Variants in PCDHGA4 observed in about 807,000 individuals in gnomAD.
The protein encoded by PCDHGA4 is protocadherin gamma-A4.
A neutral mutation model predicts 54.6 loss-of-function variants in PCDHGA4; 38 were observed. That is an observed-to-expected ratio of 0.70 (90% CI 0.54 to 0.91). The LOEUF (loss-of-function observed/expected upper bound fraction) is 0.91. Ranked by LOEUF, PCDHGA4 falls within the 40% of genes least tolerant of loss-of-function variation. PCDHGA4 has a pLI of 0.00. For synonymous variants in PCDHGA4, 511 were observed against 512.9 expected, an observed-to-expected ratio of 1.00 and a Z score of 0.05; for missense variants, 1,298 against 1,220.9, an observed-to-expected ratio of 1.06 and a Z score of -0.94.
At chr5:141,416,929 C>T (rs1184470714) in intron 1 of PCDHGA4, 1 of 151,960 alleles carries the variant, frequency 6.6e-6, no homozygotes. Flanking sequence ...TAGTTATTAA[C>T]TATTAAACCA....
At chr5:141,382,895 C>A (rs1554087243) in intron 1 of PCDHGA4, 1 of 1,536,202 alleles carries the variant, frequency 6.5e-7, no homozygotes, top group South Asian at 1.3e-5. Flanking sequence ...AGAAGCAGGA[C>A]GACTATGGCG....
intron 1 of PCDHGA4, chr5:141,390,260 C>T (rs1206984031): frequency 6.2e-7 from 1 of 1,614,002 alleles, no homozygotes; most frequent in Non-Finnish European, 8.5e-7. Context: ...TTTGTAATTC[C>T]AGTGAATTGA....
In PCDHGA4 at chr5:141,490,858, G is replaced by C. The variant is rs775132338; in HGVS notation, c.2515-3949G>C. On this transcript the variant is annotated intron_variant, in intron 1 of 3. Coordinates refer to ENST00000571252, the MANE Select transcript of PCDHGA4 (RefSeq NM_018917.4). The surrounding 1 kb of genome is among the most constrained non-coding windows in gnomAD (Gnocchi z 5.4). ...GATTGTGGTGGGGGTTCGAGACTCC[G>C]GCTCTCCCCCATTGCATGCCAACAC... The C allele has an allele frequency of 1.5e-5, 24 of 1,613,704 alleles. 1 individual carries two copies. Among genetic ancestry groups the C allele is most frequent in the Non-Finnish European group, 2.0e-5 (24 of 1,179,918 alleles).
At chr5:141,397,279 G>A (rs1208403541) in intron 1 of PCDHGA4, among the ~76,000 whole-genome samples, 1 of 152,168 alleles carries the variant, frequency 6.6e-6, no homozygotes, top group East Asian at 1.9e-4. Context: ...CATATGGGCA[G>A]TATACTTGAA....
chr5:141,502,866 CTTTT>C (rs549047197), intron 2 of PCDHGA4, among the ~76,000 whole-genome samples: 1 of 128,042 alleles, frequency 7.8e-6, no homozygotes. Context: ...GACTCTCTGT[CTTTT>C]TTTTTTTTTT....
intron 1 of PCDHGA4, chr5:141,378,129 A>G (rs974715464): frequency 1.3e-5 from 2 of 152,224 alleles, no homozygotes; most frequent in African/African-American, 4.8e-5. Context: ...GTATTTGTTG[A>G]CATCACCATT....
chr5:141,408,914 A>G lies in PCDHGA4; in HGVS notation c.2514+51293A>G, dbSNP rs776105035. ...AATTTCTGTCAAGGATACCAATGAT[A>G]ACCCCCCGGTTTTCAGCAGAGACGA... On this transcript the variant is annotated intron_variant, in intron 1 of 3. Coordinates refer to ENST00000571252, the MANE Select transcript of PCDHGA4 (RefSeq NM_018917.4). The G allele has an allele frequency of 1.2e-5, 20 of 1,613,446 alleles. No homozygotes were observed. The South Asian group carries it at 2.1e-4, about 17-fold the overall frequency.
In PCDHGA4 at chr5:141,485,101, T is replaced by C; in HGVS notation, c.2515-9706T>C. On this transcript the variant is annotated intron_variant, in intron 1 of 3. Coordinates refer to ENST00000571252, the MANE Select transcript of PCDHGA4 (RefSeq NM_018917.4). The surrounding 1 kb of genome is among the most constrained non-coding windows in gnomAD (Gnocchi z 5.7). ...GGAAAGGGAGATAGGTGTCTCCAGC[T>C]GCTGTGGCTGTTTGGGGCGGGTCGG... 1 of 1,158,208 alleles carries C rather than the reference T, an allele frequency of 8.6e-7. No homozygotes were observed. Among genetic ancestry groups the C allele is most frequent in the South Asian group, 1.4e-5 (1 of 72,622 alleles). The allele number at this position is 1,158,208 out of a possible 1,614,324, so 71.7% of individuals were successfully genotyped here.
intron 1 of PCDHGA4, among the ~76,000 whole-genome samples, chr5:141,359,329 C>G (rs1425381791): frequency 6.6e-6 from 1 of 151,874 alleles, no homozygotes; most frequent in African/African-American, 2.4e-5. Flanking sequence ...GGAATATATT[C>G]CAGAATGAGA....
rs999463482 is a variant in PCDHGA4, at chr5:141,506,400, T to C, written c.2662+919T>C. ...GGAGGTGGCTGTGGTGAGCAGAAAATCGCACCACTGCACTCCAGCCTGGGC... is the reference window on the plus strand; with the variant it reads ...GGAGGTGGCTGTGGTGAGCAGAAAACCGCACCACTGCACTCCAGCCTGGGC... On this transcript the variant is annotated intron_variant, in intron 3 of 3. Coordinates refer to ENST00000571252, the MANE Select transcript of PCDHGA4 (RefSeq NM_018917.4). 1.2e-4 allele frequency among the ~76,000 whole-genome samples: 16 copies of C among 135,754 alleles called. No homozygotes were observed. In the Admixed American group the frequency reaches 1.3e-3, roughly 11 times the overall value. The allele number at this position is 135,754 out of a possible 152,430, so 89.1% of individuals were successfully genotyped here.
chr5:141,400,164 C>G (rs1307583379), intron 1 of PCDHGA4: 1 of 1,614,086 alleles, frequency 6.2e-7, no homozygotes, highest in Admixed American at 1.7e-5. Context: ...TACCCTCTGA[C>G]CCCCAGGCTG....
chr5:141,383,364 C>G lies in PCDHGA4; in HGVS notation c.2514+25743C>G, dbSNP rs1345393790. Reference sequence around the variant, plus strand: ...CTCCTGGGGTTCGGTTTCCGTTAAGCGAGGCTGGGGATCCAGATGTGGGCA... The same window carrying G: ...CTCCTGGGGTTCGGTTTCCGTTAAGGGAGGCTGGGGATCCAGATGTGGGCA... On this transcript the variant is annotated intron_variant, in intron 1 of 3. Transcript: ENST00000571252. The G allele has an allele frequency of 2.5e-6, 4 of 1,613,946 alleles. No homozygotes were observed. The South Asian group carries it at 4.4e-5, about 18-fold the overall frequency.
At chr5:141,504,959 T>C (rs1297800554) in intron 2 of PCDHGA4, among the ~76,000 whole-genome samples, 2 of 152,038 alleles carry the variant, frequency 1.3e-5, no homozygotes, top group Non-Finnish European at 2.9e-5. Flanking sequence ...GTTCAATGCA[T>C]TGGACCAGCC....
intron 1 of PCDHGA4, chr5:141,421,232 C>T (rs748347420): frequency 2.5e-6 from 4 of 1,590,252 alleles, no homozygotes; most frequent in African/African-American, 2.7e-5. Flanking sequence ...CCTGCCATGG[C>T]GAATCGGCTA....
rs752811986 is a variant in PCDHGA4, at chr5:141,366,261, T to A, written c.2514+8640T>A. The stretch of plus-strand genomic sequence containing the variant: ...GACGCGCTCAAGCAGAGCCTCGTGG[T>A]GGCCGTCGAAGACCATGGCCAGCCC... On this transcript the variant is annotated intron_variant, in intron 1 of 3. Transcript: ENST00000571252. The A allele has an allele frequency of 1.4e-5, 23 of 1,613,602 alleles. No individual in the cohort carries two copies. The Admixed American group carries it at 2.3e-4, about 16-fold the overall frequency.
At position 141,357,353 on chromosome 5, in the gene PCDHGA4, G is replaced by A. The variant is rs772395094; in HGVS notation, c.2246G>A (p.Arg749His). Residue 749 changes from arginine (R) to histidine (H), a missense_variant, in exon 1 of 4, where the codon CGC (arginine) becomes CAC (histidine). Arg to His is a conservative substitution (Grantham distance 29). Coordinates refer to ENST00000571252, the MANE Select transcript of PCDHGA4 (RefSeq NM_018917.4). Reference sequence around the variant, plus strand: ...GTGCTGCTAGCACTCAAGCTGAGACGCTGGCACAAGTCACGCCTGCTTCAC... The same window carrying A: ...GTGCTGCTAGCACTCAAGCTGAGACACTGGCACAAGTCACGCCTGCTTCAC... The part of the protein sequence containing the change: ...VTVLLALKLR[R>H]WHKSRLLHAE... 1 of 1,614,124 alleles carries A rather than the reference G, an allele frequency of 6.2e-7. No homozygotes were observed. Among genetic ancestry groups the A allele is most frequent in the Middle Eastern group, 1.6e-4 (1 of 6,062 alleles).
chr5:141,507,012 G>A (rs2099857902), intron 3 of PCDHGA4: 1 of 152,208 alleles, frequency 6.6e-6, no homozygotes, highest in Admixed American at 6.5e-5. Flanking sequence ...AGAGAACCGA[G>A]AAGGCACTTG....
At position 141,403,413 on chromosome 5, in the gene PCDHGA4, T is replaced by G. The variant is rs1467852757; in HGVS notation, c.2514+45792T>G. The G allele has an allele frequency of 1.2e-6, 2 of 1,613,928 alleles. No individual in the cohort carries two copies. Among genetic ancestry groups the G allele is most frequent in the African/African-American group, 2.7e-5 (2 of 74,948 alleles). ...GCGGTTCCTGGAGCACGTTATCCACTTCCAGAAGCTATTGATCCGGATGTT... is the reference window on the plus strand; with the variant it reads ...GCGGTTCCTGGAGCACGTTATCCACGTCCAGAAGCTATTGATCCGGATGTT... On this transcript the variant is annotated intron_variant, in intron 1 of 3. Transcript: ENST00000571252.
chr5:141,478,307 G>T, intron 1 of PCDHGA4: 3 of 1,614,056 alleles, frequency 1.9e-6, no homozygotes, highest in Non-Finnish European at 2.5e-6. Context: ...CCGAGCCCCG[G>T]TGAGCTCACT....
Sources: allele counts gnomAD v4.1 joint callset (sites outside exome capture counted in the v4.1 genomes callset), GRCh38; gene constraint gnomAD v4.1.1; non-coding constraint Gnocchi (gnomAD v3.1); transcripts MANE v1.5; gene names NCBI Gene and HGNC (gene_info 2026-07-23, HGNC 2026-07-21).